ASH1L: variants seen among roughly 807,000 people sequenced by gnomAD.
ASH1L encodes the protein histone-lysine N-methyltransferase ASH1L.
ASH1L carries 23 observed loss-of-function variants against 269.0 expected under a neutral mutation model. The ratio of observed to expected loss-of-function variants is 0.09; its 90% confidence interval spans 0.06 to 0.12. The LOEUF (loss-of-function observed/expected upper bound fraction) is 0.12. Ranked by LOEUF, ASH1L falls within the 10% of genes least tolerant of loss-of-function variation. The probability of loss-of-function intolerance (pLI) is 1.00; values close to 1 mark genes in which losing one functional copy is unlikely to be tolerated. For missense variants in ASH1L, 2,912 were observed against 3,567.8 expected, an observed-to-expected ratio of 0.82 and a Z score of 4.68; for synonymous variants, 1,187 against 1,253.5, an observed-to-expected ratio of 0.95 and a Z score of 1.12.
At chr1:155,556,216 T>C (rs1355176801) in intron 1 of ASH1L, among the ~76,000 whole-genome samples, 1 of 152,092 alleles carries the variant, frequency 6.6e-6, no homozygotes, top group Non-Finnish European at 1.5e-5. Flanking sequence ...ACTCTACCTG[T>C]ACATAAAATT....
At chr1:155,406,040 C>T (rs2148511656) in intron 6 of ASH1L, among the ~76,000 whole-genome samples, 1 of 151,482 alleles carries the variant, frequency 6.6e-6, no homozygotes, top group South Asian at 2.1e-4. Flanking sequence ...CCTGGATCTA[C>T]TAAAAATACA....
At chr1:155,381,155 T>C (rs566949834) in intron 7 of ASH1L, among the ~76,000 whole-genome samples, 133 of 152,180 alleles carry the variant, frequency 8.7e-4, no homozygotes, top group Non-Finnish European at 1.6e-3. Context: ...ATAGCAGACA[T>C]AATTAGGTAT....
chr1:155,559,089 C>T (rs932920052), intron 1 of ASH1L, among the ~76,000 whole-genome samples: 5 of 152,060 alleles, frequency 3.3e-5, no homozygotes, highest in African/African-American at 1.2e-4. Flanking sequence ...GGTGAGCCAC[C>T]CTCTTCAGCA....
chr1:155,421,330 T>G (rs1571167021), intron 5 of ASH1L, among the ~76,000 whole-genome samples: 2 of 148,004 alleles, frequency 1.4e-5, no homozygotes, highest in South Asian at 4.3e-4. Flanking sequence ...TTTTTTTTTT[T>G]TTTTTTTTTT....
At chr1:155,341,831 T>A (rs1476093927) in intron 25 of ASH1L, 105 bp downstream of exon 25, 29 of 1,194,162 alleles carry the variant, frequency 2.4e-5, no homozygotes, top group Non-Finnish European at 3.4e-5. Context: ...TGGGATGGAA[T>A]TTGGATGAAG....
At chr1:155,523,938 T>C (rs76924972) in intron 1 of ASH1L, among the ~76,000 whole-genome samples, 1 of 152,302 alleles carries the variant, frequency 6.6e-6, no homozygotes, top group Non-Finnish European at 1.5e-5. Flanking sequence ...TTTTGGCCGA[T>C]TGGGTAACTC....
At chr1:155,337,860 T>C (rs1386828375) in intron 27 of ASH1L, 109 bp from the exon 28 acceptor site, 2 of 1,184,004 alleles carry the variant, frequency 1.7e-6, no homozygotes, top group Non-Finnish European at 2.5e-6. Flanking sequence ...TTCTGACCTA[T>C]AAGCAATTTA....
At chr1:155,464,029 A>T (rs930974663) in intron 3 of ASH1L, among the ~76,000 whole-genome samples, 1 of 152,192 alleles carries the variant, frequency 6.6e-6, no homozygotes, top group Non-Finnish European at 1.5e-5. Flanking sequence ...AGTATGCCCA[A>T]GAGATGAGTC....
chr1:155,395,802 T>C (rs1350781893), intron 6 of ASH1L, among the ~76,000 whole-genome samples: 1 of 152,082 alleles, frequency 6.6e-6, no homozygotes, highest in East Asian at 1.9e-4. Flanking sequence ...AATTTGAGAC[T>C]GGCCTGGGTA....
chr1:155,457,404 G>A (rs1663938525), intron 4 of ASH1L, among the ~76,000 whole-genome samples: 1 of 152,090 alleles, frequency 6.6e-6, no homozygotes, highest in South Asian at 2.1e-4. Context: ...ATCCAACAAT[G>A]GGTTATTCTT....
Position 155,438,719 on chromosome 1 carries a change from A to G in ASH1L, c.5436T>C (p.Asn1812=). 2 of 1,613,962 alleles carry G rather than the reference A, an allele frequency of 1.2e-6. No homozygotes were observed. Among genetic ancestry groups the G allele is most frequent in the Non-Finnish European group, 1.7e-6 (2 of 1,179,996 alleles). ...TCTTTGTGGCCAAGATTTTGTCGTAATTGCACATTTTCCGAGCTTGGCGTT... is the reference window on the plus strand; with the variant it reads ...TCTTTGTGGCCAAGATTTTGTCGTAGTTGCACATTTTCCGAGCTTGGCGTT... ...AMQRQARKMC[N]YDKILATKKN... is the part of the protein sequence containing the mutation. The change falls in exon 5 of 28, where the codon AAT becomes AAC. Residue 1812 remains asparagine (N), a synonymous_variant. Coordinates refer to ENST00000392403, the MANE Select transcript of ASH1L (RefSeq NM_018489.3).
chr1:155,350,079 C>T (rs1268373277), intron 17 of ASH1L, among the ~76,000 whole-genome samples: 2 of 151,754 alleles, frequency 1.3e-5, no homozygotes, highest in Non-Finnish European at 2.9e-5. Flanking sequence ...TTAGTAGAGA[C>T]GAGGTTTCAC....
At chr1:155,357,435 G>C in intron 14 of ASH1L, 25 bp from the exon 15 acceptor site, 3 of 1,601,728 alleles carry the variant, frequency 1.9e-6, no homozygotes, top group Non-Finnish European at 1.7e-6. Context: ...GATCAGATTA[G>C]AGATTTAAAA....
chr1:155,469,367 G>C (rs918693398), intron 3 of ASH1L, among the ~76,000 whole-genome samples: 6 of 151,986 alleles, frequency 3.9e-5, no homozygotes, highest in Non-Finnish European at 5.9e-5. Flanking sequence ...ATTTTTAGTA[G>C]AGATGGGGTT....
intron 2 of ASH1L, 99 bp downstream of exon 2, chr1:155,521,001 G>C: frequency 7.8e-7 from 1 of 1,278,014 alleles, no homozygotes. Flanking sequence ...AAATAACATA[G>C]ATTAAAATCA....
At chr1:155,551,792 AC>A (rs1671233458) in intron 1 of ASH1L, among the ~76,000 whole-genome samples, 1 of 145,512 alleles carries the variant, frequency 6.9e-6, no homozygotes, top group Non-Finnish European at 1.5e-5. Context: ...ACATGGTGAA[AC>A]CCCGTCTCTA....
rs112918761 is a variant in ASH1L, at chr1:155,374,176, A to G, written c.6333-3193T>C. 1.4e-4 allele frequency among the ~76,000 whole-genome samples: 22 copies of G among 152,256 alleles called. 1 individual carries two copies. Among genetic ancestry groups the G allele is most frequent in the African/African-American group, 3.8e-4 (16 of 41,564 alleles). On this transcript the variant is annotated intron_variant, in intron 10 of 27. Transcript: ENST00000392403. ...AAACCTCGTCTCTATTAAAAATACA[A>G]AAATTAGCCAGGCGTGGTGGCAACT...
intron 5 of ASH1L, among the ~76,000 whole-genome samples, chr1:155,427,226 C>CA (rs1045260215): frequency 6.6e-6 from 1 of 151,068 alleles, no homozygotes; most frequent in African/African-American, 2.4e-5. Flanking sequence ...CCTTCACCTC[C>CA]AAGGTTCTAG....
chr1:155,375,015 T>C (rs1656309217), intron 10 of ASH1L, among the ~76,000 whole-genome samples: 1 of 152,116 alleles, frequency 6.6e-6, no homozygotes, highest in South Asian at 2.1e-4. Flanking sequence ...GGTTTTGCCA[T>C]GTTGCCCAGG....
Sources: allele counts gnomAD v4.1 joint callset (sites outside exome capture counted in the v4.1 genomes callset), GRCh38; gene constraint gnomAD v4.1.1; transcripts MANE v1.5; gene names NCBI Gene and HGNC (gene_info 2026-07-23, HGNC 2026-07-21).